Variants in SOX5 observed in about 807,000 individuals in gnomAD.
The protein encoded by SOX5 is transcription factor SOX-5.
In SOX5, 9 loss-of-function variants were observed where a neutral mutation model predicts 92.0. That is an observed-to-expected ratio of 0.10 (90% CI 0.06 to 0.17). SOX5 has a LOEUF of 0.17. Ranked by LOEUF, SOX5 falls within the 10% of genes least tolerant of loss-of-function variation. The probability of loss-of-function intolerance (pLI) is 1.00; values close to 1 mark genes in which losing one functional copy is unlikely to be tolerated. For synonymous variants in SOX5, 344 were observed against 336.3 expected (o/e 1.02, Z -0.25); for missense variants, 642 against 944.5 (o/e 0.68, Z 4.20).
chr12:23,646,136 T>C (rs1008343228), intron 7 of SOX5, among the ~76,000 whole-genome samples: 1 of 152,194 alleles, frequency 6.6e-6, no homozygotes, highest in African/African-American at 2.4e-5. Context: ...ATGGTGGCTG[T>C]TGAAGGTTAG....
At chr12:24,168,213 G>A (rs1953652655) in intron 4 of SOX5, among the ~76,000 whole-genome samples, 1 of 152,162 alleles carries the variant, frequency 6.6e-6, no homozygotes. Flanking sequence ...ATTTTAGACT[G>A]ATTCAGAGTT....
At chr12:24,042,626 C>G (rs1199562657) in intron 4 of SOX5, among the ~76,000 whole-genome samples, 1 of 152,028 alleles carries the variant, frequency 6.6e-6, no homozygotes, top group Non-Finnish European at 1.5e-5. Flanking sequence ...TTAGTGATAG[C>G]CAGCAGCAAT....
At chr12:24,226,467 T>A in intron 3 of SOX5, among the ~76,000 whole-genome samples, 1 of 152,148 alleles carries the variant, frequency 6.6e-6, no homozygotes, top group Admixed American at 6.5e-5. Context: ...CTCATTATTT[T>A]ATTTATTTAT....
intron 4 of SOX5, among the ~76,000 whole-genome samples, chr12:24,074,053 A>T (rs1474342227): frequency 2.0e-5 from 3 of 152,160 alleles, no homozygotes; most frequent in Non-Finnish European, 2.9e-5. Context: ...CCCTCAAAAA[A>T]AAAAGCTCAG....
At chr12:24,509,054 C>T (rs1004886187) in intron 1 of SOX5, among the ~76,000 whole-genome samples, 1 of 152,188 alleles carries the variant, frequency 6.6e-6, no homozygotes, top group African/African-American at 2.4e-5. Context: ...AAATGACCTA[C>T]TTTGCTCATC....
chr12:24,493,219 G>A (rs182430618), intron 1 of SOX5, among the ~76,000 whole-genome samples: 26 of 152,074 alleles, frequency 1.7e-4, no homozygotes, highest in African/African-American at 5.1e-4. Context: ...TTTCTACTGC[G>A]CAAATTTGAA....
chr12:24,391,563 G>T (rs755649536), intron 1 of SOX5, among the ~76,000 whole-genome samples: 1 of 152,032 alleles, frequency 6.6e-6, no homozygotes, highest in Non-Finnish European at 1.5e-5. Flanking sequence ...GTTCCCTTAC[G>T]TACAGTTCTT....
chr12:23,978,541 T>A (rs4281558), intron 4 of SOX5, among the ~76,000 whole-genome samples: 111,063 of 152,084 alleles, frequency 0.73, 40,908 homozygotes, highest in East Asian at 0.91. Flanking sequence ...CACCTTATAA[T>A]CATTATGCAG....
intron 1 of SOX5, among the ~76,000 whole-genome samples, chr12:24,507,872 T>C (rs1377688495): frequency 6.6e-6 from 1 of 152,232 alleles, no homozygotes; most frequent in Non-Finnish European, 1.5e-5. Flanking sequence ...TTCCATCTCC[T>C]TCTGTAAATA....
At chr12:23,967,693 G>C (rs966246948) in intron 4 of SOX5, among the ~76,000 whole-genome samples, 5 of 152,044 alleles carry the variant, frequency 3.3e-5, no homozygotes, top group African/African-American at 1.2e-4. Flanking sequence ...ACATAGCTTT[G>C]GTTGCAAGAG....
At chr12:23,745,249 C>CTTTT (rs2093941986) in intron 4 of SOX5, among the ~76,000 whole-genome samples, 1 of 152,104 alleles carries the variant, frequency 6.6e-6, no homozygotes, top group South Asian at 2.1e-4. Flanking sequence ...CCTTCTCTAT[C>CTTTT]TTCACTGCCA....
chr12:23,824,192 A>G (rs1343965368), intron 3 of SOX5, among the ~76,000 whole-genome samples: 1 of 152,150 alleles, frequency 6.6e-6, no homozygotes, highest in Non-Finnish European at 1.5e-5. Flanking sequence ...GTAGGAGAAG[A>G]GCCATTCTGG....
chr12:23,782,037 A>T (rs924592425), intron 3 of SOX5, among the ~76,000 whole-genome samples: 1 of 152,064 alleles, frequency 6.6e-6, no homozygotes. Flanking sequence ...ATTCCATAGC[A>T]TTACACTCAG....
rs151291855 is a variant in SOX5, at chr12:24,250,754, A to G, written c.-77+26462T>C. Among the ~76,000 whole-genome samples the G allele has an allele frequency of 3.7e-3, 564 of 152,342 alleles. 8 individuals carry two copies. The highest frequency in any genetic ancestry group is 0.013 in the African/African-American group (545 of 41,574). ...TTCATTAAGAAAGATCACTGAAGGT[A>G]CCCAAACAGACTTCCAGTTCAGAAG... On this transcript the variant is annotated intron_variant, in intron 3 of 4. Transcript: ENST00000446891.
At chr12:24,111,053 G>C (rs1287021582) in intron 4 of SOX5, among the ~76,000 whole-genome samples, 2 of 151,940 alleles carry the variant, frequency 1.3e-5, no homozygotes, top group East Asian at 3.9e-4. Flanking sequence ...ACTGTGATAT[G>C]CATTGTAGGG....
upstream of SOX5, among the ~76,000 whole-genome samples, chr12:23,951,207 G>A (rs1945577353): frequency 6.6e-6 from 1 of 152,084 alleles, no homozygotes; most frequent in African/African-American, 2.4e-5. Flanking sequence ...GGGCTATTCT[G>A]GAAATGGAGC....
At chr12:24,236,853 G>A (rs535838364) in intron 3 of SOX5, among the ~76,000 whole-genome samples, 1 of 152,110 alleles carries the variant, frequency 6.6e-6, no homozygotes, top group South Asian at 2.1e-4. Context: ...AACACGTGGG[G>A]GCACTGAGTG....
At position 23,724,979 on chromosome 12, in the gene SOX5, G is replaced by A. The variant is rs1308348132; in HGVS notation, c.810+9705C>T. The stretch of plus-strand genomic sequence containing the variant: ...TAGTCTGAGAAATGATGGTGAATTA[G>A]ACCAGAATGGTGTTGGTCAATTTGA... On this transcript the variant is annotated intron_variant, in intron 6 of 14. Transcript: ENST00000451604. 2.0e-5 allele frequency among the ~76,000 whole-genome samples: 3 copies of A among 152,196 alleles called. No individual in the cohort carries two copies. The East Asian group carries it at 5.8e-4, about 29-fold the overall frequency.
chr12:24,420,628 A>C (rs1382219121), intron 1 of SOX5, among the ~76,000 whole-genome samples: 1 of 152,202 alleles, frequency 6.6e-6, no homozygotes, highest in Non-Finnish European at 1.5e-5. Flanking sequence ...TATGAACTGT[A>C]CAACTTGGTA....
Sources: allele counts gnomAD v4.1 joint callset (sites outside exome capture counted in the v4.1 genomes callset), GRCh38; gene constraint gnomAD v4.1.1; transcripts MANE v1.5; gene names NCBI Gene and HGNC (gene_info 2026-07-23, HGNC 2026-07-21).